Variants in ONECUT1 observed in about 807,000 individuals in gnomAD.
ONECUT1 encodes the protein one cut homeobox 1, also known as hepatocyte nuclear factor 6.
A neutral mutation model predicts 25.6 loss-of-function variants in ONECUT1; 12 were observed. The observed-to-expected ratio is 0.47, with a 90% confidence interval of 0.30 to 0.76. The LOEUF (loss-of-function observed/expected upper bound fraction) is 0.76, where lower values mean the gene tolerates loss of function less well. Ranked by LOEUF, ONECUT1 falls within the 30% of genes least tolerant of loss-of-function variation. ONECUT1 has a pLI of 0.07. For missense variants in ONECUT1, 620 were observed against 651.2 expected (o/e 0.95, Z 0.52); for synonymous variants, 285 against 270.2 (o/e 1.05, Z -0.54).
At chr15:52,761,614 T>C (rs1043294342) in intron 1 of ONECUT1, among the ~76,000 whole-genome samples, 3 of 152,164 alleles carry the variant, frequency 2.0e-5, no homozygotes, top group African/African-American at 7.2e-5. Context: ...GAAGTTGTAG[T>C]CAGCTGATAT....
Position 52,789,413 on chromosome 15 carries a change from G to A in ONECUT1, c.472C>T (p.Leu158=). ...GTATAGAGGTTATTCATGGAGGCCA[G>A]CCCGCGCTCATCCCGCATGAGCGTG... ...SFTLMRDERG[L]ASMNNLYTPY... The change falls in exon 1 of 2, where the codon CTG becomes TTG. Residue 158 remains leucine, a synonymous_variant. Transcript: ENST00000305901. The surrounding 1 kb of genome is among the most constrained non-coding windows in gnomAD (Gnocchi z 4.1). The A allele has an allele frequency of 6.2e-7, 1 of 1,613,928 alleles. No individual in the cohort carries two copies.
chr15:52,759,306 CT>C (rs2083691614), intron 1 of ONECUT1, among the ~76,000 whole-genome samples: 1 of 152,180 alleles, frequency 6.6e-6, no homozygotes, highest in Non-Finnish European at 1.5e-5. Flanking sequence ...TCTCCTCAGC[CT>C]GCCCCTCCCT....
intron 1 of ONECUT1, among the ~76,000 whole-genome samples, chr15:52,780,119 C>G (rs2083831089): frequency 1.3e-5 from 2 of 152,200 alleles, no homozygotes; most frequent in African/African-American, 4.8e-5. Context: ...ACCATTTAAA[C>G]AAATCTTTTG....
intron 1 of ONECUT1, among the ~76,000 whole-genome samples, chr15:52,776,560 C>G (rs1404709901): frequency 1.3e-5 from 2 of 152,208 alleles, no homozygotes; most frequent in Non-Finnish European, 2.9e-5. Context: ...ACAAATCTGA[C>G]CATTTCATTC....
intron 1 of ONECUT1, among the ~76,000 whole-genome samples, chr15:52,773,448 A>T (rs2083780801): frequency 6.6e-6 from 1 of 152,206 alleles, no homozygotes; most frequent in Non-Finnish European, 1.5e-5. Context: ...CATGGATATT[A>T]TGTATGTATG....
chr15:52,767,361 C>T (rs2083740676), intron 1 of ONECUT1, among the ~76,000 whole-genome samples: 1 of 152,152 alleles, frequency 6.6e-6, no homozygotes, highest in Non-Finnish European at 1.5e-5. Context: ...GTCTTCTCTC[C>T]CTTGTTCTGT....
intron 1 of ONECUT1, among the ~76,000 whole-genome samples, chr15:52,783,201 C>T (rs1222288452): frequency 1.3e-5 from 2 of 152,206 alleles, no homozygotes; most frequent in East Asian, 1.9e-4. Flanking sequence ...AATGATCCAA[C>T]CCCTGTCACA....
chr15:52,764,912 C>T (rs2141448784), intron 1 of ONECUT1, among the ~76,000 whole-genome samples: 1 of 152,302 alleles, frequency 6.6e-6, no homozygotes, highest in South Asian at 2.1e-4. Flanking sequence ...GTCCAGGCGG[C>T]CCTCAGCCCC....
In ONECUT1 at chr15:52,789,188, G is replaced by A; in HGVS notation, c.697C>T (p.His233Tyr). ...PAMLGRHGEQ[H>Y]LTPTSAGMVP... ...ATGCCGGCCGAGGTGGGCGTGAGGT[G>A]CTGCTCCCCGTGGCGGCCGAGCATG... Residue 233 changes from histidine (H) to tyrosine (Y), a missense_variant, in exon 1 of 2, where the codon CAC (histidine) becomes TAC (tyrosine). Physicochemically the swap from His to Tyr is moderately conservative, Grantham distance 83. Transcript: ENST00000305901. This position sits in a 1 kb window ranked among gnomAD's most constrained non-coding sequence, Gnocchi z 4.1. The A allele has an allele frequency of 6.3e-7, 1 of 1,577,278 alleles. No individual in the cohort carries two copies. Among genetic ancestry groups the A allele is most frequent in the Non-Finnish European group, 8.6e-7 (1 of 1,164,912 alleles).
intron 1 of ONECUT1, among the ~76,000 whole-genome samples, chr15:52,783,140 A>G (rs1264532538): frequency 1.3e-5 from 2 of 152,220 alleles, no homozygotes; most frequent in East Asian, 3.8e-4. Flanking sequence ...AGAGATGACT[A>G]TAGATTTTCC....
chr15:52,782,423 C>A (rs2083847230), intron 1 of ONECUT1, among the ~76,000 whole-genome samples: 1 of 152,102 alleles, frequency 6.6e-6, no homozygotes, highest in Non-Finnish European at 1.5e-5. Context: ...CCTATACAAA[C>A]CTATTGATAG....
chr15:52,782,595 T>A (rs2141462062), intron 1 of ONECUT1, among the ~76,000 whole-genome samples: 1 of 152,346 alleles, frequency 6.6e-6, no homozygotes, highest in Non-Finnish European at 1.5e-5. Flanking sequence ...AATGAGAGTA[T>A]TATTTAATAA....
chr15:52,767,940 G>A (rs72740272), intron 1 of ONECUT1, among the ~76,000 whole-genome samples: 3,646 of 152,298 alleles, frequency 0.024, 63 homozygotes, highest in Non-Finnish European at 0.034. Context: ...GCCAGGCACA[G>A]AAAGGTAAAT....
chr15:52,780,658 A>C (rs755886503), intron 1 of ONECUT1: 1 of 1,534,408 alleles, frequency 6.5e-7, no homozygotes, highest in Non-Finnish European at 8.7e-7. Flanking sequence ...CCTCTCACGC[A>C]CTTCAGTCGC....
chr15:52,784,638 A>T lies in ONECUT1; in HGVS notation c.1105+4142T>A, dbSNP rs7168043. Among the ~76,000 whole-genome samples the T allele has an allele frequency of 0.033, 5,023 of 152,258 alleles. 283 individuals are homozygous for T. Among genetic ancestry groups the T allele is most frequent in the African/African-American group, 0.12 (4,848 of 41,518 alleles). On this transcript the variant is annotated intron_variant, in intron 1 of 1. Transcript: ENST00000305901. This position sits in a 1 kb window ranked among gnomAD's most constrained non-coding sequence, Gnocchi z 5.0. ...ACACAGAGAGAACTACACAGGGGGA[A>T]CTATGGTCCTACACCCTCGAGGGGA...
chr15:52,769,020 C>G (rs537338173), intron 1 of ONECUT1, among the ~76,000 whole-genome samples: 17 of 152,294 alleles, frequency 1.1e-4, no homozygotes, highest in Admixed American at 9.8e-4. Flanking sequence ...GAAGTCATTC[C>G]TAGATATGAA....
chr15:52,778,541 G>A (rs1197760037), intron 1 of ONECUT1, among the ~76,000 whole-genome samples: 2 of 152,162 alleles, frequency 1.3e-5, no homozygotes, highest in African/African-American at 4.8e-5. Context: ...ATTTACTTTC[G>A]TTTCCACCAG....
At chr15:52,783,705 C>T (rs2083855748) in intron 1 of ONECUT1, among the ~76,000 whole-genome samples, 1 of 152,254 alleles carries the variant, frequency 6.6e-6, no homozygotes, top group South Asian at 2.1e-4. Flanking sequence ...TCAGCTCCAA[C>T]CTCCGACTTC....
chr15:52,757,285 G>A lies in ONECUT1; in HGVS notation c.*270C>T. ...AAACCACTAAACAGCCAAGCACAGC[G>A]AGGATGGTCATGGATTGAAGGTGTG... On this transcript the variant is annotated 3_prime_UTR_variant, in exon 2 of 2. Coordinates refer to ENST00000305901, the MANE Select transcript of ONECUT1 (RefSeq NM_004498.4). 2.3e-6 allele frequency: 1 copy of A among 429,788 alleles called. No individual in the cohort carries two copies. The highest frequency in any genetic ancestry group is 4.1e-6 in the Non-Finnish European group (1 of 242,596). The allele number at this position is 429,788 out of a possible 1,614,324, so 26.6% of individuals were successfully genotyped here.
Sources: allele counts gnomAD v4.1 joint callset (sites outside exome capture counted in the v4.1 genomes callset), GRCh38; gene constraint gnomAD v4.1.1; non-coding constraint Gnocchi (gnomAD v3.1); transcripts MANE v1.5; gene names NCBI Gene and HGNC (gene_info 2026-07-23, HGNC 2026-07-21).